Variants in GPR180 observed in about 807,000 individuals in gnomAD.
GPR180 encodes G protein-coupled receptor 180, also known as integral membrane protein GPR180.
Under a neutral mutation model 52.6 loss-of-function variants are expected in GPR180, and 53 were observed. That is an observed-to-expected ratio of 1.01 (90% CI 0.81 to 1.27). The LOEUF (loss-of-function observed/expected upper bound fraction) is 1.27, where lower values mean the gene tolerates loss of function less well. GPR180 is among the 50% of genes most tolerant of loss of function. GPR180 has a pLI of 0.00. For missense variants in GPR180, 533 were observed against 527.0 expected (o/e 1.01, Z -0.11); for synonymous variants, 200 against 193.1 (o/e 1.04, Z -0.30).
At chr13:94,618,733 C>T (rs1451285358) in intron 3 of GPR180, among the ~76,000 whole-genome samples, 1 of 152,092 alleles carries the variant, frequency 6.6e-6, no homozygotes. Context: ...GATGCATTGT[C>T]AGGGCATATT....
chr13:94,625,649 A>G (rs544932355), intron 7 of GPR180, among the ~76,000 whole-genome samples: 1 of 152,224 alleles, frequency 6.6e-6, no homozygotes, highest in South Asian at 2.1e-4. Context: ...TTTTACAGGA[A>G]TATTACACAT....
At position 94,632,727 on chromosome 13, in the gene GPR180, A is replaced by G. The variant is rs1890015270; in HGVS notation, c.*5556A>G. ...GTGAGCTCTGATAGTTACGCTAACC[A>G]GATGACTCAAATAGGGGCTAGCCAC... is the stretch of plus-strand genomic sequence containing the variant. On this transcript the variant is annotated 3_prime_UTR_variant, in exon 9 of 9. Transcript: ENST00000376958. 1 of 152,234 alleles carries G rather than the reference A, an allele frequency of 6.6e-6. No individual in the cohort carries two copies. The highest frequency in any genetic ancestry group is 1.5e-5 in the Non-Finnish European group (1 of 68,042). 9.4% of individuals were successfully genotyped at this position (152,234 alleles called of 1,614,324 possible). A position where few individuals can be genotyped will look rare whatever the true frequency, so the allele number is the denominator to read the frequency against.
chr13:94,629,456 C>T lies in GPR180; in HGVS notation c.*2285C>T, dbSNP rs138309708. 2.6e-4 allele frequency: 40 copies of T among 152,072 alleles called. No individual in the cohort carries two copies. The highest frequency in any genetic ancestry group is 8.9e-4 in the African/African-American group (37 of 41,494). The allele number at this position is 152,072 out of a possible 1,614,324, so 9.4% of individuals were successfully genotyped here. The stretch of plus-strand genomic sequence containing the variant: ...GGGTGCCTACTGTGATGCATTTTAC[C>T]AGGCATTTTACCTTCATTATTACTC... On this transcript the variant is annotated 3_prime_UTR_variant, in exon 9 of 9. Transcript: ENST00000376958.
At chr13:94,622,645 A>G (rs897127494) in intron 6 of GPR180, among the ~76,000 whole-genome samples, 3 of 152,174 alleles carry the variant, frequency 2.0e-5, no homozygotes, top group African/African-American at 7.2e-5. Context: ...GTTGGTTAAG[A>G]AATCAGGAAC....
chr13:94,627,162 T>C lies in GPR180; in HGVS notation c.1314T>C (p.Pro438=). Residue 438 remains proline (P), a synonymous_variant, in exon 9 of 9, where the codon CCT becomes CCC. Transcript: ENST00000376958. ...LTISSGHKSR[P]HF is the part of the protein sequence containing the mutation. ...TATCATCTGGACACAAAAGTCGCCC[T>C]CATTTCTGATACTTGATTTTTGTTG... 1 of 1,612,048 alleles carries C rather than the reference T, an allele frequency of 6.2e-7. No individual in the cohort carries two copies. Among genetic ancestry groups the C allele is most frequent in the Admixed American group, 1.7e-5 (1 of 59,760 alleles).
Position 94,618,420 on chromosome 13 carries a change from A to ATTTTTTTTTTTTTTTTTTTTT in GPR180, c.506-727_506-707dup, listed in dbSNP as rs570807308. On this transcript the variant is annotated intron_variant, in intron 3 of 8. Coordinates refer to ENST00000376958, the MANE Select transcript of GPR180 (RefSeq NM_180989.6). ...CATGGAGTCGCATGATCAGCACAGG[A>ATTTTTTTTTTTTTTTTTTTTT]TTTTTTTTTTTTTTTTTTTTTTTGG... 1.3e-3 allele frequency among the ~76,000 whole-genome samples: 113 copies of ATTTTTTTTTTTTTTTTTTTTT among 87,124 alleles called. 19 individuals carry two copies. Among genetic ancestry groups the ATTTTTTTTTTTTTTTTTTTTT allele is most frequent in the African/African-American group, 3.0e-3 (47 of 15,830 alleles). The allele number at this position is 87,124 out of a possible 152,430, so 57.2% of individuals were successfully genotyped here.
chr13:94,605,540 C>G lies in GPR180; in HGVS notation c.295C>G (p.Gln99Glu). The change falls in exon 2 of 9, where the codon CAG (glutamine) becomes GAG (glutamate). Residue 99 changes from glutamine to glutamate, a missense_variant. By Grantham distance (29) the Gln-to-Glu change is conservative. Transcript: ENST00000376958. ...YSCSEKLSKAQLTMTMNQTEH... is the reference protein window; with the variant it reads ...YSCSEKLSKAELTMTMNQTEH... ...CTGTAGTGAAAAATTATCCAAAGCTCAGTTGACAAGTGAGTATATCCTTTT... is the reference window on the plus strand; with the variant it reads ...CTGTAGTGAAAAATTATCCAAAGCTGAGTTGACAAGTGAGTATATCCTTTT... The G allele has an allele frequency of 6.2e-7, 1 of 1,612,320 alleles. No individual in the cohort carries two copies. The highest frequency in any genetic ancestry group is 1.1e-5 in the South Asian group (1 of 90,732).
Position 94,628,508 on chromosome 13 carries a change from TTAAAA to T in GPR180, c.*1341_*1345del, listed in dbSNP as rs932220718. ...GTAGTTAAATTTTTTAATTAAATAGTTAAAATAATGTAGTGCAACTTAAAAATATC... is the reference window on the plus strand; with the variant it reads ...GTAGTTAAATTTTTTAATTAAATAGTTAATGTAGTGCAACTTAAAAATATC... On this transcript the variant is annotated 3_prime_UTR_variant, in exon 9 of 9. Transcript: ENST00000376958. 3.5e-4 allele frequency: 53 copies of T among 152,158 alleles called. No individual in the cohort carries two copies. The highest frequency in any genetic ancestry group is 2.4e-3 in the Admixed American group (37 of 15,294). 9.4% of individuals were successfully genotyped at this position (152,158 alleles called of 1,614,324 possible).
chr13:94,621,341 AT>A (rs796700367), intron 6 of GPR180, 106 bp downstream of exon 6: 1,131 of 809,008 alleles, frequency 1.4e-3, no homozygotes, highest in African/African-American at 2.4e-3. Context: ...AATTTGTGTC[AT>A]TTTTTTTTTC....
rs1889963382 is a variant in GPR180 at position 94,629,183 on chromosome 13, T to C, written c.*2012T>C. On this transcript the variant is annotated 3_prime_UTR_variant, in exon 9 of 9. Transcript: ENST00000376958. ...ATAGTTCATAAGTCATGACACAGTA[T>C]TCGCTCTTTTTCTGAATGTTTACAT... 6.6e-6 allele frequency: 1 copy of C among 152,134 alleles called. No homozygotes were observed. Among genetic ancestry groups the C allele is most frequent in the Non-Finnish European group, 1.5e-5 (1 of 67,982 alleles). The allele number at this position is 152,134 out of a possible 1,614,324, so 9.4% of individuals were successfully genotyped here.
At position 94,627,458 on chromosome 13, in the gene GPR180, G is replaced by T. The variant is rs1432561957; in HGVS notation, c.*287G>T. 5 of 352,094 alleles carry T rather than the reference G, an allele frequency of 1.4e-5. No individual in the cohort carries two copies. The highest frequency in any genetic ancestry group is 2.0e-5 in the Non-Finnish European group (4 of 196,674). 21.8% of individuals were successfully genotyped at this position (352,094 alleles called of 1,614,324 possible). On this transcript the variant is annotated 3_prime_UTR_variant, in exon 9 of 9. Coordinates refer to ENST00000376958, the MANE Select transcript of GPR180 (RefSeq NM_180989.6). ...TGTGAAAAATAACTATGATATTTTG[G>T]TAAAATATTCACCACTTATAATGCC...
intron 2 of GPR180, among the ~76,000 whole-genome samples, chr13:94,611,663 A>G (rs544327926): frequency 2.7e-4 from 41 of 152,026 alleles, no homozygotes; most frequent in Admixed American, 2.7e-3. Flanking sequence ...GCCTAGCTGT[A>G]ATTCTGCCCC....
chr13:94,627,603 A>T lies in GPR180; in HGVS notation c.*432A>T, dbSNP rs1889944550. 1 of 154,698 alleles carries T rather than the reference A, an allele frequency of 6.5e-6. No individual in the cohort carries two copies. The highest frequency in any genetic ancestry group is 2.4e-5 in the African/African-American group (1 of 41,524). 9.6% of individuals were successfully genotyped at this position (154,698 alleles called of 1,614,324 possible). ...AAATCAGTGTAATACATTGATTTTT[A>T]AAACTGCTGCTTTTTATGCTTTAAG... On this transcript the variant is annotated 3_prime_UTR_variant, in exon 9 of 9. Transcript: ENST00000376958.
In GPR180 at chr13:94,629,864, C is replaced by G. The variant is rs1320149817; in HGVS notation, c.*2693C>G. ...TGATGAACATAGGAGATACACAAAT[C>G]TGAGATCATCTCTAAAATAATGAGA... On this transcript the variant is annotated 3_prime_UTR_variant, in exon 9 of 9. Coordinates refer to ENST00000376958, the MANE Select transcript of GPR180 (RefSeq NM_180989.6). 4 of 152,180 alleles carry G rather than the reference C, an allele frequency of 2.6e-5. 1 individual carries two copies. Among genetic ancestry groups the G allele is most frequent in the Admixed American group, 2.0e-4 (3 of 15,284 alleles). The allele number at this position is 152,180 out of a possible 1,614,324, so 9.4% of individuals were successfully genotyped here. A position where few individuals can be genotyped will look rare whatever the true frequency, so the allele number is the denominator to read the frequency against.
At position 94,627,183 on chromosome 13, in the gene GPR180, T is replaced by C; in HGVS notation, c.*12T>C. The stretch of plus-strand genomic sequence containing the variant: ...GCCCTCATTTCTGATACTTGATTTT[T>C]GTTGAGAGGAAAAGTGAATTGGTTA... On this transcript the variant is annotated 3_prime_UTR_variant, in exon 9 of 9. Transcript: ENST00000376958. 2 of 1,610,410 alleles carry C rather than the reference T, an allele frequency of 1.2e-6. No homozygotes were observed. The highest frequency in any genetic ancestry group is 1.7e-6 in the Non-Finnish European group (2 of 1,178,270).
At chr13:94,625,905 C>T (rs1889922440) in intron 7 of GPR180, 61 bp from the exon 8 acceptor site, 5 of 1,250,758 alleles carry the variant, frequency 4.0e-6, no homozygotes, top group Non-Finnish European at 3.4e-6. Flanking sequence ...ATTTTTTTGT[C>T]TGGTACATGC....
chr13:94,624,426 C>G (rs1298717911), intron 7 of GPR180, among the ~76,000 whole-genome samples: 4 of 152,334 alleles, frequency 2.6e-5, no homozygotes, highest in Middle Eastern at 3.4e-3. Context: ...TAAGAACCAA[C>G]TTCAGGCTTC....
At chr13:94,602,385 G>T (rs1027006752) in intron 1 of GPR180, among the ~76,000 whole-genome samples, 1 of 151,892 alleles carries the variant, frequency 6.6e-6, no homozygotes. Context: ...CTGGTCGGCC[G>T]CATCTTTCCA....
chr13:94,619,608 A>C, intron 5 of GPR180, 91 bp downstream of exon 5: 1 of 1,094,394 alleles, frequency 9.1e-7, no homozygotes. Context: ...TTTTCTGTCG[A>C]AAATTGTTTA....
Sources: allele counts gnomAD v4.1 joint callset (sites outside exome capture counted in the v4.1 genomes callset), GRCh38; gene constraint gnomAD v4.1.1; transcripts MANE v1.5; gene names NCBI Gene and HGNC (gene_info 2026-07-23, HGNC 2026-07-21).